The following RBM41 variants were observed in gnomAD, a reference collection of about 807,000 sequenced individuals.
RBM41 encodes the protein RNA-binding protein 41.
A neutral mutation model predicts 30.8 loss-of-function variants in RBM41; 14 were observed. The observed-to-expected ratio is 0.45, with a 90% CI of 0.30 to 0.71. The LOEUF (loss-of-function observed/expected upper bound fraction) is 0.71. RBM41 is among the 30% of genes least tolerant of loss of function. RBM41 has a pLI of 0.08. For synonymous variants in RBM41, 120 were observed against 110.1 expected, an observed-to-expected ratio of 1.09 and a Z score of -0.56; for missense variants, 276 against 326.3, an observed-to-expected ratio of 0.85 and a Z score of 1.19.
chrX:107,087,501 T>C (rs1321668982), intron 6 of RBM41, among the ~76,000 whole-genome samples: 1 of 112,329 alleles, frequency 8.9e-6, no homozygotes, highest in Non-Finnish European at 1.9e-5. Flanking sequence ...TTGAGTAATA[T>C]AGTAATGAAG....
Position 107,065,780 on chromosome X carries a change from T to C in RBM41, c.*1747A>G, listed in dbSNP as rs1429682356. 8.7e-7 allele frequency: 1 copy of C among 1,145,782 alleles called. No homozygotes were observed. Among genetic ancestry groups the C allele is most frequent in the Non-Finnish European group, 1.2e-6 (1 of 862,389 alleles). The allele number at this position is 1,145,782 out of a possible 1,213,427, so 94.4% of individuals were successfully genotyped here. On this transcript the variant is annotated 3_prime_UTR_variant, in exon 8 of 8. Coordinates refer to ENST00000685964, the MANE Select transcript of RBM41 (RefSeq NM_001324242.2). ...CAACCTGTTATCGGCAAATATATTATATTTTATACGTTATAGGCCAAACGA... is the reference window on the plus strand; with the variant it reads ...CAACCTGTTATCGGCAAATATATTACATTTTATACGTTATAGGCCAAACGA...
rs1490000521 is a variant in RBM41, at chrX:107,064,163, G to A, written c.*3364C>T. Among the ~76,000 whole-genome samples the A allele has an allele frequency of 9.1e-6, 1 of 109,400 alleles. No individual in the cohort carries two copies. Among genetic ancestry groups the A allele is most frequent in the Admixed American group, 9.8e-5 (1 of 10,208 alleles). ...AGACAGGGTTTCACCATGTTACCCA[G>A]AATGGTCTCGATCTCCTGACCCCAT... On this transcript the variant is annotated 3_prime_UTR_variant, in exon 8 of 8. Transcript: ENST00000685964.
At chrX:107,087,610 A>G (rs1922149008) in intron 6 of RBM41, among the ~76,000 whole-genome samples, 1 of 110,997 alleles carries the variant, frequency 9.0e-6, no homozygotes, top group Non-Finnish European at 1.9e-5. Context: ...TACGTATTGG[A>G]CAATTTTTTT....
the RBM41 span, among the ~76,000 whole-genome samples, chrX:107,053,366 GTGTTACCCACCT>G: frequency 8.8e-6 from 1 of 113,106 alleles, no homozygotes; most frequent in Admixed American, 9.3e-5. Context: ...CGTGTGGGAG[GTGTTACCCACCT>G]GATGCATTGG....
At chrX:107,106,299 C>A (rs1282719831) in intron 5 of RBM41, among the ~76,000 whole-genome samples, 1 of 111,893 alleles carries the variant, frequency 8.9e-6, no homozygotes, top group African/African-American at 3.3e-5. Flanking sequence ...CAGAGAAATG[C>A]AAATCAAAAC....
intron 5 of RBM41, among the ~76,000 whole-genome samples, chrX:107,094,840 A>C (rs1602588184): frequency 9.0e-6 from 1 of 111,498 alleles, no homozygotes; most frequent in Non-Finnish European, 1.9e-5. Flanking sequence ...ACAAGGCTCA[A>C]CCAGAGCCTC....
chrX:107,107,480 C>G (rs1387498842), intron 5 of RBM41, among the ~76,000 whole-genome samples: 1 of 111,625 alleles, frequency 9.0e-6, no homozygotes, highest in African/African-American at 3.3e-5. Flanking sequence ...AGTGAGCTGA[C>G]TAGGGACTAG....
chrX:107,087,837 C>T (rs1307311659), intron 6 of RBM41, among the ~76,000 whole-genome samples: 3 of 112,025 alleles, frequency 2.7e-5, no homozygotes, highest in African/African-American at 9.7e-5. Context: ...CTCCTGACCT[C>T]GTGATCCGCC....
At chrX:107,104,186 T>C (rs1005384359) in intron 5 of RBM41, among the ~76,000 whole-genome samples, 6 of 111,482 alleles carry the variant, frequency 5.4e-5, no homozygotes, top group Admixed American at 4.8e-4. Context: ...GAAAGATCTT[T>C]ACATTTAACT....
At chrX:107,087,355 AAACT>A (rs1414577015) in intron 6 of RBM41, among the ~76,000 whole-genome samples, 1 of 111,017 alleles carries the variant, frequency 9.0e-6, no homozygotes, top group Non-Finnish European at 1.9e-5. Context: ...TCAGTCAAAC[AAACT>A]GTTTTAATAT....
chrX:107,063,675 G>A lies in RBM41; in HGVS notation c.*3852C>T, dbSNP rs751022455. Among the ~76,000 whole-genome samples the A allele has an allele frequency of 9.0e-6, 1 of 110,984 alleles. No individual in the cohort carries two copies. The highest frequency in any genetic ancestry group is 1.9e-5 in the Non-Finnish European group (1 of 52,973). On this transcript the variant is annotated 3_prime_UTR_variant, in exon 8 of 8. Coordinates refer to ENST00000685964, the MANE Select transcript of RBM41 (RefSeq NM_001324242.2). ...TTCATAATCTTTTTTATTTCTACAAGTTCAGTTGAAATGTTCCCTCCTTCA... is the reference window on the plus strand; with the variant it reads ...TTCATAATCTTTTTTATTTCTACAAATTCAGTTGAAATGTTCCCTCCTTCA...
rs1295115550 is a variant in RBM41, at chrX:107,116,251, C to A, written c.126-197G>T. ...GTCATCCAGGAATAATAAACTAAATCAACAAATATTTATTGAGTACTTACT... is the reference window on the plus strand; with the variant it reads ...GTCATCCAGGAATAATAAACTAAATAAACAAATATTTATTGAGTACTTACT... On this transcript the variant is annotated intron_variant, in intron 2 of 7. Transcript: ENST00000685964. 3.1e-6 allele frequency: 3 copies of A among 963,444 alleles called. No homozygotes were observed. In the African/African-American group the frequency reaches 6.0e-5, roughly 19 times the overall value. 79.4% of individuals were successfully genotyped at this position (963,444 alleles called of 1,213,427 possible). A position where few individuals can be genotyped will look rare whatever the true frequency, so the allele number is the denominator to read the frequency against.
At chrX:107,057,871 C>CA (rs1233421167), downstream of RBM41, among the ~76,000 whole-genome samples, 2 of 111,367 alleles carry the variant, frequency 1.8e-5, no homozygotes, top group Admixed American at 1.9e-4. Flanking sequence ...TCAACAGCAA[C>CA]AAAAAAAACT....
chrX:107,085,604 A>G (rs1200150037), intron 6 of RBM41, among the ~76,000 whole-genome samples: 1 of 111,564 alleles, frequency 9.0e-6, no homozygotes, highest in African/African-American at 3.3e-5. Context: ...CTTTAAATAT[A>G]TGCCAGCATT....
chrX:107,055,984 C>T, the RBM41 span, among the ~76,000 whole-genome samples: 1 of 112,094 alleles, frequency 8.9e-6, no homozygotes, highest in Non-Finnish European at 1.9e-5. Flanking sequence ...AAATCTTTTC[C>T]CCTATGATCA....
intron 5 of RBM41, among the ~76,000 whole-genome samples, chrX:107,093,009 G>A (rs939749120): frequency 1.1e-4 from 12 of 111,790 alleles, no homozygotes; most frequent in African/African-American, 3.9e-4. Flanking sequence ...ACGTTTATAT[G>A]ATGAAATACT....
At position 107,063,987 on chromosome X, in the gene RBM41, T is replaced by C. The variant is rs1382860421; in HGVS notation, c.*3540A>G. ...TTTTTTTTGAGATGGAGTCTCGCTC[T>C]GCTGCCCAGGCTGGAGTGCAGTGGT... On this transcript the variant is annotated 3_prime_UTR_variant, in exon 8 of 8. Transcript: ENST00000685964. Among the ~76,000 whole-genome samples the C allele has an allele frequency of 9.7e-6, 1 of 102,987 alleles. No individual in the cohort carries two copies. Among genetic ancestry groups the C allele is most frequent in the African/African-American group, 3.6e-5 (1 of 27,953 alleles). The allele number at this position is 102,987 out of a possible 115,157, so 89.4% of individuals were successfully genotyped here.
chrX:107,088,757 A>G lies in RBM41; in HGVS notation c.678T>C (p.Leu226=). The change falls in exon 6 of 8, where the codon CTT becomes CTC. Residue 226 remains leucine, a synonymous_variant. Coordinates refer to ENST00000685964, the MANE Select transcript of RBM41 (RefSeq NM_001324242.2). Reference sequence around the variant, plus strand: ...CACCTCTCATAAGTTGAAACTCTTCAAGACGTTTTTTCATTATCATCTCTT... The same window carrying G: ...CACCTCTCATAAGTTGAAACTCTTCGAGACGTTTTTTCATTATCATCTCTT... The part of the protein sequence containing the change: ...FYQEMIMKKR[L]EEFQLMRGEP... 8.3e-7 allele frequency: 1 copy of G among 1,211,481 alleles called. No homozygotes were observed. Among genetic ancestry groups the G allele is most frequent in the East Asian group, 3.0e-5 (1 of 33,828 alleles).
At chrX:107,077,488 G>A (rs1447524339) in intron 6 of RBM41, among the ~76,000 whole-genome samples, 1 of 109,212 alleles carries the variant, frequency 9.2e-6, no homozygotes, top group African/African-American at 3.3e-5. Flanking sequence ...GCTCTGTCAG[G>A]GGATGCTGGG....
Sources: allele counts gnomAD v4.1 joint callset (sites outside exome capture counted in the v4.1 genomes callset), GRCh38; gene constraint gnomAD v4.1.1; transcripts MANE v1.5; gene names NCBI Gene and HGNC (gene_info 2026-07-23, HGNC 2026-07-21).